The following HACD2 variants were observed in gnomAD, a reference collection of about 807,000 sequenced individuals.
HACD2 encodes very-long-chain (3R)-3-hydroxyacyl-CoA dehydratase 2.
Under a neutral mutation model 31.0 loss-of-function variants are expected in HACD2, and 15 were observed. The observed-to-expected ratio is 0.48, with a 90% CI of 0.32 to 0.75. HACD2 has a LOEUF of 0.75. HACD2 is among the 30% of genes least tolerant of loss of function. The pLI, the probability that HACD2 is intolerant of heterozygous loss-of-function variation, is 0.03. For missense variants in HACD2, 283 were observed against 313.0 expected (o/e 0.90, Z 0.72); for synonymous variants, 115 against 122.2 (o/e 0.94, Z 0.39).
At chr3:123,547,258 A>G (rs369098035) in intron 3 of HACD2, among the ~76,000 whole-genome samples, 1 of 152,224 alleles carries the variant, frequency 6.6e-6, no homozygotes, top group Non-Finnish European at 1.5e-5. Context: ...ATTTCCACCC[A>G]TAAGCATTAT....
intron 5 of HACD2, among the ~76,000 whole-genome samples, chr3:123,501,718 G>T (rs1390915832): frequency 6.6e-6 from 1 of 152,172 alleles, no homozygotes; most frequent in Non-Finnish European, 1.5e-5. Context: ...GTCCAGGTTG[G>T]TTAGTAACTG....
chr3:123,585,002 G>A lies in HACD2; in HGVS notation c.26C>T (p.Ala9Val). 6.6e-7 allele frequency: 1 copy of A among 1,516,488 alleles called. No homozygotes were observed. 93.9% of individuals were successfully genotyped at this position (1,516,488 alleles called of 1,614,324 possible). Reference sequence around the variant, plus strand: ...ACCGCCGCCCCCATTCCCCTTCGCTGCTGCAGTCGCCGCCACTGCCGCCAT... The same window carrying A: ...ACCGCCGCCCCCATTCCCCTTCGCTACTGCAGTCGCCGCCACTGCCGCCAT... MAAVAATAAAKGNGGGGGR... is the reference protein window; with the variant it reads MAAVAATAVAKGNGGGGGR... Residue 9 changes from alanine (A) to valine (V), a missense_variant, in exon 1 of 7, where the codon GCA (alanine) becomes GTA (valine). Physicochemically the swap from Ala to Val is moderately conservative, Grantham distance 64 (BLOSUM62 0). Transcript: ENST00000383657.
chr3:123,564,280 G>A (rs1434323257), intron 3 of HACD2, among the ~76,000 whole-genome samples: 1 of 152,218 alleles, frequency 6.6e-6, no homozygotes, highest in African/African-American at 2.4e-5. Flanking sequence ...AATTGGAAAG[G>A]TATGCATATC....
intron 2 of HACD2, 65 bp downstream of exon 2, chr3:123,582,147 A>G: frequency 9.2e-7 from 1 of 1,089,940 alleles, no homozygotes; most frequent in Non-Finnish European, 1.3e-6. Flanking sequence ...CTTCAATATA[A>G]TTTAGTTGCA....
chr3:123,562,343 G>A (rs2056741681), intron 3 of HACD2, among the ~76,000 whole-genome samples: 1 of 152,104 alleles, frequency 6.6e-6, no homozygotes, highest in African/African-American at 2.4e-5. Context: ...GGCCGTATTT[G>A]CCAAGTTGCA....
intron 4 of HACD2, among the ~76,000 whole-genome samples, chr3:123,513,512 A>G (rs1040299457): frequency 6.6e-6 from 1 of 152,192 alleles, no homozygotes; most frequent in Non-Finnish European, 1.5e-5. Flanking sequence ...ATTGGTTATC[A>G]GGGAACGCTG....
intron 2 of HACD2, among the ~76,000 whole-genome samples, chr3:123,578,334 G>A (rs1293589612): frequency 2.0e-5 from 3 of 152,052 alleles, no homozygotes; most frequent in East Asian, 1.9e-4. Context: ...GCAGTGGCAC[G>A]ATCATGGCTC....
At chr3:123,532,533 T>C (rs1001023611) in intron 3 of HACD2, among the ~76,000 whole-genome samples, 7 of 152,136 alleles carry the variant, frequency 4.6e-5, no homozygotes, top group African/African-American at 1.7e-4. Context: ...ATCAGGTGAA[T>C]TTCATAAGAA....
At chr3:123,530,781 A>G (rs74483158) in intron 3 of HACD2, among the ~76,000 whole-genome samples, 25,245 of 151,694 alleles carry the variant, frequency 0.17, 2,682 homozygotes, top group African/African-American at 0.29. Flanking sequence ...CGAACTCCTA[A>G]GCTCACACAA....
chr3:123,544,644 A>G (rs1378378840), intron 3 of HACD2, among the ~76,000 whole-genome samples: 5 of 152,188 alleles, frequency 3.3e-5, no homozygotes, highest in Non-Finnish European at 5.9e-5. Flanking sequence ...TGGAAATAAA[A>G]TGTTAACTTT....
chr3:123,528,347 G>T, intron 4 of HACD2, 39 bp downstream of exon 4: 1 of 1,214,606 alleles, frequency 8.2e-7, no homozygotes, highest in Non-Finnish European at 1.2e-6. Flanking sequence ...ACTAGTGTTT[G>T]TTAGTGTTGA....
At chr3:123,571,144 C>T (rs927363283) in intron 2 of HACD2, among the ~76,000 whole-genome samples, 1 of 152,148 alleles carries the variant, frequency 6.6e-6, no homozygotes, top group African/African-American at 2.4e-5. Context: ...GTAATGCTTA[C>T]AGAACAGAAT....
chr3:123,512,054 T>C (rs2056070318), intron 4 of HACD2, among the ~76,000 whole-genome samples: 1 of 152,198 alleles, frequency 6.6e-6, no homozygotes, highest in African/African-American at 2.4e-5. Flanking sequence ...CCATGCTTTT[T>C]ATACAGCCTG....
At chr3:123,584,799 T>A (rs2107768153) in intron 1 of HACD2, 74 bp downstream of exon 1, 1 of 1,234,140 alleles carries the variant, frequency 8.1e-7, no homozygotes, top group East Asian at 3.1e-5. Flanking sequence ...GCCGATCCTA[T>A]CCGCCCCGCC....
At chr3:123,517,232 T>C (rs2056149314) in intron 4 of HACD2, among the ~76,000 whole-genome samples, 1 of 152,240 alleles carries the variant, frequency 6.6e-6, no homozygotes, top group African/African-American at 2.4e-5. Flanking sequence ...CCAAGCATTG[T>C]TTAAAAGATG....
At chr3:123,525,009 T>A (rs997780607) in intron 4 of HACD2, among the ~76,000 whole-genome samples, 1 of 152,218 alleles carries the variant, frequency 6.6e-6, no homozygotes, top group African/African-American at 2.4e-5. Flanking sequence ...CTGTAAACTA[T>A]AACATATCAA....
intron 6 of HACD2, among the ~76,000 whole-genome samples, chr3:123,498,171 G>A (rs1181381323): frequency 6.6e-6 from 1 of 152,228 alleles, no homozygotes; most frequent in Non-Finnish European, 1.5e-5. Flanking sequence ...GAGGTAGTCT[G>A]TGTGCCATCT....
intron 6 of HACD2, chr3:123,499,578 T>C (rs141259622): frequency 0.011 from 5,023 of 451,028 alleles, 61 homozygotes; most frequent in Non-Finnish European, 0.016. Flanking sequence ...TGTCGCTTTG[T>C]TAGGGTGATT....
Position 123,584,961 on chromosome 3 carries a change from C to T in HACD2, c.67G>A (p.Gly23Arg), listed in dbSNP as rs1397088165. Residue 23 changes from glycine to arginine, a missense_variant, in exon 1 of 7, where the codon GGG becomes AGG. Physicochemically the swap from Gly to Arg is moderately radical, Grantham distance 125. This residue lies in a region of HACD2 where 158 missense variants were observed against 148.3 expected (regional missense o/e 1.07). Coordinates refer to ENST00000383657, the MANE Select transcript of HACD2 (RefSeq NM_198402.5). ...TTCTTCCGCGTGCCGCTGGCGTCCC[C>T]GGCCCCGGCCCTGCCACCGCCGCCC... ...NGGGGGRAGA[G>R]DASGTRKKKG... 1 of 1,527,556 alleles carries T rather than the reference C, an allele frequency of 6.5e-7. No individual in the cohort carries two copies. 94.6% of individuals were successfully genotyped at this position (1,527,556 alleles called of 1,614,324 possible).
Sources: gnomAD v4.1 joint callset for allele counts (sites outside exome capture counted in the v4.1 genomes callset) on GRCh38, gnomAD v4.1.1 for gene constraint, gnomAD v4.1.1 regional missense constraint, MANE v1.5 for transcripts, NCBI Gene and HGNC (gene_info 2026-07-23, HGNC 2026-07-21) for gene names.